Variants in LRRC9 observed in about 807,000 individuals in gnomAD.
LRRC9 encodes the protein leucine rich repeat containing 9.
A neutral mutation model predicts 63.2 loss-of-function variants in LRRC9; 122 were observed. That is an observed-to-expected ratio of 1.93 (90% CI 1.67 to 2.24). The LOEUF (loss-of-function observed/expected upper bound fraction) is 2.24. Among genes scored for constraint, LRRC9 ranks in the 30% most tolerant of loss-of-function variants. LRRC9 has a pLI of 0.00. For missense variants in LRRC9, 1,071 were observed against 627.7 expected (o/e 1.71, Z -7.55); for synonymous variants, 366 against 213.1 (o/e 1.72, Z -6.25).
At position 59,942,694 on chromosome 14, in the gene LRRC9, C is replaced by T. The variant is rs1001738840; in HGVS notation, c.727-1895C>T. On this transcript the variant is annotated intron_variant, in intron 7 of 31. Coordinates refer to ENST00000445360, the Ensembl canonical transcript of LRRC9. The surrounding 1 kb of genome is among the most constrained non-coding windows in gnomAD (Gnocchi z 5.3). ...GGTGAGCCGATATCACACCACTGCACTTCAGCCTGGGTGACAGAGTGAGAC... is the reference window on the plus strand; with the variant it reads ...GGTGAGCCGATATCACACCACTGCATTTCAGCCTGGGTGACAGAGTGAGAC... Among the ~76,000 whole-genome samples, 5 of 152,170 alleles carry T rather than the reference C, an allele frequency of 3.3e-5. No homozygotes were observed. Among genetic ancestry groups the T allele is most frequent in the African/African-American group, 9.7e-5 (4 of 41,434 alleles).
At chr14:59,983,747 A>G (rs1348505286) in intron 16 of LRRC9, among the ~76,000 whole-genome samples, 1 of 152,170 alleles carries the variant, frequency 6.6e-6, no homozygotes, top group Non-Finnish European at 1.5e-5. Flanking sequence ...ATGAGGTTGT[A>G]GCCAAATTAG....
intron 7 of LRRC9, 97 bp from the exon 8 acceptor site, chr14:59,944,492 A>G: frequency 2.4e-6 from 1 of 424,560 alleles, no homozygotes; most frequent in East Asian, 3.5e-5. Flanking sequence ...AATCATCTAA[A>G]TTGTTATATA....
At chr14:60,036,129 G>A (rs1892412307) in intron 29 of LRRC9, among the ~76,000 whole-genome samples, 2 of 151,896 alleles carry the variant, frequency 1.3e-5, no homozygotes, top group Non-Finnish European at 2.9e-5. Flanking sequence ...CCTCTATAAG[G>A]GTACTGGTCC....
rs1266651864 is a variant in LRRC9 at position 59,964,403 on chromosome 14, GC to G, written c.1212-2185del. On this transcript the variant is annotated intron_variant, in intron 10 of 31. Coordinates refer to ENST00000445360, the Ensembl canonical transcript of LRRC9. The surrounding 1 kb of genome is among the most constrained non-coding windows in gnomAD (Gnocchi z 4.4). ...TTGTTCTGTTTCCTTCACCCAGAATGCTTTTGCATACCTCACACTTACTTCA... is the reference window on the plus strand; with the variant it reads ...TTGTTCTGTTTCCTTCACCCAGAATGTTTTGCATACCTCACACTTACTTCA... Among the ~76,000 whole-genome samples, 4 of 152,120 alleles carry G rather than the reference GC, an allele frequency of 2.6e-5. No homozygotes were observed. Among genetic ancestry groups the G allele is most frequent in the African/African-American group, 9.7e-5 (4 of 41,432 alleles).
At position 60,050,953 on chromosome 14, in the gene LRRC9, G is replaced by T. The variant is rs182629085; in HGVS notation, c.3991-2112G>T. 3.9e-5 allele frequency among the ~76,000 whole-genome samples: 6 copies of T among 152,340 alleles called. No individual in the cohort carries two copies. The East Asian group carries it at 1.2e-3, about 29-fold the overall frequency. ...AAGATGGCAGCCTGCTCCTTCCTCT[G>T]TAAGCTCCATCCCAGGGTGGTACTG... On this transcript the variant is annotated intron_variant, in intron 29 of 31. Transcript: ENST00000445360.
intron 12 of LRRC9, among the ~76,000 whole-genome samples, chr14:59,969,724 G>GT (rs1885262387): frequency 6.6e-6 from 1 of 152,178 alleles, no homozygotes; most frequent in Non-Finnish European, 1.5e-5. Context: ...GTGTTCAGTA[G>GT]TAAGGGTGGG....
chr14:59,939,775 T>C (rs1881562876), intron 7 of LRRC9, among the ~76,000 whole-genome samples: 2 of 151,908 alleles, frequency 1.3e-5, no homozygotes, highest in African/African-American at 2.4e-5. Flanking sequence ...GGAGGAAGAA[T>C]CATGATTCTA....
intron 31 of LRRC9, among the ~76,000 whole-genome samples, chr14:60,059,513 G>A (rs766216750): frequency 8.5e-5 from 13 of 152,182 alleles, no homozygotes; most frequent in Non-Finnish European, 1.3e-4. Context: ...AGTTGTGAAT[G>A]CAAAGGAAAA....
At chr14:59,985,303 G>A in intron 17 of LRRC9, 79 bp downstream of exon 17, 2 of 517,832 alleles carry the variant, frequency 3.9e-6, no homozygotes, top group Non-Finnish European at 7.0e-6. Flanking sequence ...GGGCCTAAGG[G>A]CTAGGGGAAA....
intron 29 of LRRC9, among the ~76,000 whole-genome samples, chr14:60,039,902 G>T (rs1042807239): frequency 6.6e-6 from 1 of 152,052 alleles, no homozygotes; most frequent in African/African-American, 2.4e-5. Flanking sequence ...TGTACATTTA[G>T]TGCTATAAAT....
At chr14:59,933,443 T>C (rs560784137) in intron 6 of LRRC9, among the ~76,000 whole-genome samples, 1 of 152,308 alleles carries the variant, frequency 6.6e-6, no homozygotes, top group Admixed American at 6.5e-5. Flanking sequence ...GTTTATCACA[T>C]ATAATGTTGG....
exon 9 of LRRC9, chr14:59,959,838 A>G: frequency 1.6e-6 from 1 of 642,878 alleles, no homozygotes; most frequent in Non-Finnish European, 2.8e-6. Context: ...AACTGGCTGA[A>G]CTCAAGGGCT....
intron 1 of LRRC9, among the ~76,000 whole-genome samples, chr14:59,925,298 T>C (rs1889119953): frequency 6.6e-6 from 1 of 152,218 alleles, no homozygotes; most frequent in Non-Finnish European, 1.5e-5. Context: ...CTCACAGGTC[T>C]AGAGGCTAGG....
Position 59,927,030 on chromosome 14 carries a change from A to G in LRRC9, c.-33-881A>G, listed in dbSNP as rs1889267655. On this transcript the variant is annotated intron_variant, in intron 1 of 31. Transcript: ENST00000445360. The surrounding 1 kb of genome is among the most constrained non-coding windows in gnomAD (Gnocchi z 4.4). ...CTAGATCTCTCCCATCCAGCTTTAC[A>G]TTTGTATTCTGGCCACAAAGGCTTT... Among the ~76,000 whole-genome samples the G allele has an allele frequency of 6.6e-6, 1 of 152,052 alleles. No homozygotes were observed. Among genetic ancestry groups the G allele is most frequent in the African/African-American group, 2.4e-5 (1 of 41,436 alleles).
chr14:60,002,213 G>T, intron 20 of LRRC9, 113 bp downstream of exon 20: 1 of 488,102 alleles, frequency 2.0e-6, no homozygotes, highest in Middle Eastern at 4.3e-4. Context: ...ACAGAAAGCT[G>T]GAAGAGATTA....
chr14:59,974,570 T>C lies in LRRC9; in HGVS notation c.1507-6T>C. ...AAAATACTCAGACTTTGTTTTTTCT[T>C]TGCAGCTGCCTCTCAAAAAAGAAGC... On this transcript the variant is annotated splice_region_variant and splice_polypyrimidine_tract_variant and intron_variant, in intron 12 of 31. Coordinates refer to ENST00000445360, the Ensembl canonical transcript of LRRC9. The C allele has an allele frequency of 1.6e-6, 1 of 643,874 alleles. No individual in the cohort carries two copies. Among genetic ancestry groups the C allele is most frequent in the Non-Finnish European group, 2.8e-6 (1 of 360,404 alleles). The allele number at this position is 643,874 out of a possible 1,614,324, so 39.9% of individuals were successfully genotyped here. A position where few individuals can be genotyped will look rare whatever the true frequency, so the allele number is the denominator to read the frequency against.
rs145345181 is a variant in LRRC9 at position 59,972,736 on chromosome 14, G to T, written c.1507-1840G>T. Among the ~76,000 whole-genome samples, 96 of 152,020 alleles carry T rather than the reference G, an allele frequency of 6.3e-4. 3 individuals carry two copies. The Middle Eastern group carries it at 0.02, about 32-fold the overall frequency. On this transcript the variant is annotated intron_variant, in intron 12 of 31. Transcript: ENST00000445360. ...CATAATTTCATAACAACTACAACTG[G>T]CATAAACAAGCTTGGGAACAAAATT...
intron 27 of LRRC9, among the ~76,000 whole-genome samples, chr14:60,025,614 A>G (rs550430479): frequency 6.6e-6 from 1 of 151,992 alleles, no homozygotes; most frequent in South Asian, 2.1e-4. Flanking sequence ...GTGTTTGTCT[A>G]CATAGATTGT....
chr14:59,960,417 C>G (rs1457551949), intron 9 of LRRC9, among the ~76,000 whole-genome samples: 1 of 152,172 alleles, frequency 6.6e-6, no homozygotes, highest in Non-Finnish European at 1.5e-5. Context: ...GAAGGCTTAG[C>G]AAGGACTGTG....
Sources: gnomAD v4.1 joint callset for allele counts (sites outside exome capture counted in the v4.1 genomes callset) on GRCh38, gnomAD v4.1.1 for gene constraint, Gnocchi (gnomAD v3.1) non-coding constraint, MANE v1.5 for transcripts, NCBI Gene and HGNC (gene_info 2026-07-23, HGNC 2026-07-21) for gene names.